The following TRMT44 variants were observed in gnomAD, a reference collection of about 807,000 sequenced individuals.
The protein encoded by TRMT44 is probable tRNA (uracil-O(2)-)-methyltransferase.
In TRMT44, 78 loss-of-function variants were observed where a neutral mutation model predicts 77.3. The ratio of observed to expected loss-of-function variants is 1.01; its 90% CI spans 0.84 to 1.22. The LOEUF (loss-of-function observed/expected upper bound fraction) is 1.22. TRMT44 is among the 50% of genes most tolerant of loss of function. The pLI is 0.00. For missense variants in TRMT44, 1,090 were observed against 964.4 expected, an observed-to-expected ratio of 1.13 and a Z score of -1.73; for synonymous variants, 391 against 383.3, an observed-to-expected ratio of 1.02 and a Z score of -0.23.
At chr4:8,489,572 G>A (rs1337859602) in intron 2 of TRMT44, among the ~76,000 whole-genome samples, 1 of 152,172 alleles carries the variant, frequency 6.6e-6, no homozygotes, top group Admixed American at 6.5e-5. Context: ...CGCCTCCCAG[G>A]TTCAAGCGAT....
chr4:8,501,619 C>T, the TRMT44 span, among the ~76,000 whole-genome samples: 8 of 152,318 alleles, frequency 5.3e-5, no homozygotes, highest in African/African-American at 1.4e-4. The surrounding 1 kb of genome is among the most constrained non-coding windows in gnomAD (Gnocchi z 4.4). Context: ...CACCAGGCTC[C>T]GGCAGACGGG....
chr4:8,453,141 A>T (rs1725563918), intron 5 of TRMT44, among the ~76,000 whole-genome samples, 152 bp downstream of exon 5: 1 of 152,322 alleles, frequency 6.6e-6, no homozygotes, highest in East Asian at 1.9e-4. Context: ...ATTTCTGTTA[A>T]TCTGATAAAC....
At chr4:8,459,629 C>A (rs1357502388) in intron 6 of TRMT44, among the ~76,000 whole-genome samples, 1 of 152,154 alleles carries the variant, frequency 6.6e-6, no homozygotes, top group African/African-American at 2.4e-5. Flanking sequence ...TACATATTGC[C>A]ATAATGCTTT....
At chr4:8,445,804 C>T (rs542685293) in intron 1 of TRMT44, among the ~76,000 whole-genome samples, 2 of 152,242 alleles carry the variant, frequency 1.3e-5, no homozygotes, top group Admixed American at 6.5e-5. Flanking sequence ...GCATATTTGG[C>T]CTGTGAAGTG....
In TRMT44 at chr4:8,452,169, A is replaced by G; in HGVS notation, c.1023+141A>G. 2.7e-6 allele frequency: 2 copies of G among 738,400 alleles called. No homozygotes were observed. Among genetic ancestry groups the G allele is most frequent in the Non-Finnish European group, 4.6e-6 (2 of 438,996 alleles). The allele number at this position is 738,400 out of a possible 1,614,324, so 45.7% of individuals were successfully genotyped here. A position where few individuals can be genotyped will look rare whatever the true frequency, so the allele number is the denominator to read the frequency against. The stretch of plus-strand genomic sequence containing the variant: ...CTGGCCAAGGTTGGTTTCTCGTGTA[A>G]TGGTTTGACTTCATGTGGTCCTTTT... On this transcript the variant is annotated intron_variant, in intron 4 of 10. Transcript: ENST00000389737. The surrounding 1 kb of genome is among the most constrained non-coding windows in gnomAD (Gnocchi z 5.7).
rs1416627571 is a variant in TRMT44, at chr4:8,444,969, G to A, written c.620-1507G>A. Among the ~76,000 whole-genome samples the A allele has an allele frequency of 3.9e-5, 6 of 152,190 alleles. No homozygotes were observed. Among genetic ancestry groups the A allele is most frequent in the Non-Finnish European group, 8.8e-5 (6 of 68,038 alleles). On this transcript the variant is annotated intron_variant, in intron 1 of 10. Transcript: ENST00000389737. This position sits in a 1 kb window ranked among gnomAD's most constrained non-coding sequence, Gnocchi z 4.0. ...TGGGGTTGCCACACTGGGCAGGGAG[G>A]GAGAGGATGCTGCTGGCATCTAGTG...
At chr4:8,443,968 A>G (rs961885390) in intron 1 of TRMT44, among the ~76,000 whole-genome samples, 2 of 152,164 alleles carry the variant, frequency 1.3e-5, no homozygotes, top group African/African-American at 4.8e-5. Context: ...TAAAAAAAAA[A>G]AAAAGGAATG....
the TRMT44 span, among the ~76,000 whole-genome samples, chr4:8,502,920 C>G: frequency 5.9e-5 from 9 of 152,248 alleles, no homozygotes; most frequent in African/African-American, 2.2e-4. Context: ...CCCAAGACCA[C>G]TTCTTCTTCA....
intron 2 of TRMT44, among the ~76,000 whole-genome samples, chr4:8,482,863 TAAG>T (rs1490804425): frequency 1.5e-5 from 2 of 130,514 alleles, no homozygotes; most frequent in Non-Finnish European, 3.1e-5. Flanking sequence ...CTTATAATAA[TAAG>T]AAAAATAAAA....
At chr4:8,443,751 C>G (rs1195580037) in intron 1 of TRMT44, among the ~76,000 whole-genome samples, 1 of 152,062 alleles carries the variant, frequency 6.6e-6, no homozygotes, top group Non-Finnish European at 1.5e-5. Context: ...AGTAATGTGA[C>G]TGTTCGAGAC....
chr4:8,460,912 T>G (rs1199711106), intron 6 of TRMT44, among the ~76,000 whole-genome samples: 1 of 152,184 alleles, frequency 6.6e-6, no homozygotes, highest in Middle Eastern at 3.2e-3. Context: ...TACACTGATG[T>G]GATCACGGCT....
intron 6 of TRMT44, among the ~76,000 whole-genome samples, chr4:8,463,626 T>G (rs759759485): frequency 6.6e-6 from 1 of 152,226 alleles, no homozygotes; most frequent in African/African-American, 2.4e-5. Flanking sequence ...CCGAAGCCAT[T>G]GCTTGCTCCC....
At chr4:8,460,899 G>A (rs535212874) in intron 6 of TRMT44, among the ~76,000 whole-genome samples, 1 of 152,132 alleles carries the variant, frequency 6.6e-6, no homozygotes, top group Non-Finnish European at 1.5e-5. Flanking sequence ...GCCCAGGCTG[G>A]AGTACACTGA....
At position 8,475,954 on chromosome 4, in the gene TRMT44, G is replaced by A. The variant is rs772712761; in HGVS notation, c.2227G>A (p.Ala743Thr). 1.1e-5 allele frequency: 18 copies of A among 1,614,114 alleles called. No homozygotes were observed. Among genetic ancestry groups the A allele is most frequent in the Middle Eastern group, 1.6e-4 (1 of 6,062 alleles). The change falls in exon 11 of 11, where the codon GCG (alanine) becomes ACG (threonine). Residue 743 changes from alanine to threonine, a missense_variant. By Grantham distance (58) the Ala-to-Thr change is moderately conservative. Transcript: ENST00000389737. ...CTGCTGCCCGTTTGCCCATGGGCCT[G>A]CGGAGCTGCGGCCACCCCGGACCAC... ...TDCCPFAHGP[A>T]ELRPPRTTPR...
At chr4:8,493,316 C>T (rs1728064253) in exon 3 of TRMT44, 1 of 152,124 alleles carries the variant, frequency 6.6e-6, no homozygotes, top group Non-Finnish European at 1.5e-5. Context: ...TAAATTGGCC[C>T]ATCTGGTCTT....
chr4:8,490,732 A>G lies in TRMT44; in HGVS notation n.3892-2534A>G, dbSNP rs540712948. ...CAAAGAGCGAAAGAACAAAGCTTCC[A>G]CAGTGTGGAAGGGGCCCCGAGCGGG... is the stretch of plus-strand genomic sequence containing the variant. On this transcript the variant is annotated intron_variant and non_coding_transcript_variant, in intron 2 of 2. Transcript: ENST00000511366. Among the ~76,000 whole-genome samples, 7 of 152,264 alleles carry G rather than the reference A, an allele frequency of 4.6e-5. No homozygotes were observed. The East Asian group carries it at 1.4e-3, about 29-fold the overall frequency.
chr4:8,491,266 T>C (rs1727994440), intron 2 of TRMT44, among the ~76,000 whole-genome samples: 1 of 152,340 alleles, frequency 6.6e-6, no homozygotes, highest in East Asian at 1.9e-4. Context: ...TACAGGGTGC[T>C]GATTGGTGTG....
At chr4:8,490,794 C>T (rs1190689044) in intron 2 of TRMT44, among the ~76,000 whole-genome samples, 1 of 152,154 alleles carries the variant, frequency 6.6e-6, no homozygotes, top group Non-Finnish European at 1.5e-5. Flanking sequence ...CTTTTATTCT[C>T]TTATCTGGCC....
rs999648521 is a variant in TRMT44, at chr4:8,451,598, T to C, written c.955-362T>C. ...TCTCCTAGTTTGTGGCTCGCGGCTC[T>C]CCCTGCCCTAGTTTCACTCCCACGC... On this transcript the variant is annotated intron_variant, in intron 3 of 10. Transcript: ENST00000389737. The surrounding 1 kb of genome is among the most constrained non-coding windows in gnomAD (Gnocchi z 4.1). Among the ~76,000 whole-genome samples, 19 of 152,312 alleles carry C rather than the reference T, an allele frequency of 1.2e-4. No individual in the cohort carries two copies. The South Asian group carries it at 3.9e-3, about 32-fold the overall frequency.
Sources: gnomAD v4.1 joint callset for allele counts (sites outside exome capture counted in the v4.1 genomes callset) on GRCh38, gnomAD v4.1.1 for gene constraint, Gnocchi (gnomAD v3.1) non-coding constraint, MANE v1.5 for transcripts, NCBI Gene and HGNC (gene_info 2026-07-23, HGNC 2026-07-21) for gene names.